Variants in SOD2 observed in about 807,000 individuals in gnomAD.
The protein encoded by SOD2 is superoxide dismutase [Mn], mitochondrial.
In SOD2, 11 loss-of-function variants were observed where a neutral mutation model predicts 27.0. That is an observed-to-expected ratio of 0.41 (90% CI 0.26 to 0.67). SOD2 has a LOEUF of 0.67. Ranked by LOEUF, SOD2 falls within the 30% of genes least tolerant of loss-of-function variation. The pLI, the probability that SOD2 is intolerant of heterozygous loss-of-function variation, is 0.34. For missense variants in SOD2, 250 were observed against 274.5 expected, an observed-to-expected ratio of 0.91 and a Z score of 0.63; for synonymous variants, 105 against 103.0, an observed-to-expected ratio of 1.02 and a Z score of -0.12.
At chr6:159,740,727 C>CA (rs1779204931) in intron 1 of SOD2, among the ~76,000 whole-genome samples, 2 of 137,358 alleles carry the variant, frequency 1.5e-5, no homozygotes, top group Non-Finnish European at 3.1e-5. Context: ...TTTTTTAAGA[C>CA]AGAGTCTCGC....
At chr6:159,747,460 C>T (rs1012601753), upstream of SOD2, among the ~76,000 whole-genome samples, 7 of 152,146 alleles carry the variant, frequency 4.6e-5, no homozygotes, top group Admixed American at 1.3e-4. Context: ...TTCTATGATT[C>T]GGATCTATTC....
chr6:159,749,231 T>G, upstream of SOD2: 1 of 985,840 alleles, frequency 1.0e-6, no homozygotes, highest in Non-Finnish European at 1.2e-6. Context: ...CTAGATTGTA[T>G]AAGGATATTA....
chr6:159,722,591 G>A (rs188303598), intron 1 of SOD2, among the ~76,000 whole-genome samples: 2 of 151,834 alleles, frequency 1.3e-5, no homozygotes, highest in East Asian at 3.9e-4. Context: ...TCTTTTTGAC[G>A]CTAAAATTGC....
rs1470724719 is a variant in SOD2, at chr6:159,711,698, C to A, written c.-116+15431G>T. Among the ~76,000 whole-genome samples, 4 of 120,436 alleles carry A rather than the reference C, an allele frequency of 3.3e-5. No individual in the cohort carries two copies. In the South Asian group the frequency reaches 1.1e-3, roughly 34 times the overall value. The allele number at this position is 120,436 out of a possible 152,430, so 79.0% of individuals were successfully genotyped here. A position where few individuals can be genotyped will look rare whatever the true frequency, so the allele number is the denominator to read the frequency against. On this transcript the variant is annotated intron_variant, in intron 1 of 2. Coordinates refer to the SOD2 transcript ENST00000401980. ...TCACCATAACCACCTCCATAACCAC[C>A]ACTCACACTGCTCTGATCACCATAA...
rs1347940126 is a variant in SOD2 at position 159,755,471 on chromosome 6, C to T, written c.-336+5566G>A. 8 of 1,614,156 alleles carry T rather than the reference C, an allele frequency of 5.0e-6. No individual in the cohort carries two copies. In the East Asian group the frequency reaches 1.1e-4, roughly 22 times the overall value. On this transcript the variant is annotated intron_variant, in intron 1 of 7. Coordinates refer to the SOD2 transcript ENST00000546087. Reference sequence around the variant, plus strand: ...CACGGGCAGTGAAAACTCTCTCACACACCAATCAAATGACACAGACTCCAG... The same window carrying T: ...CACGGGCAGTGAAAACTCTCTCACATACCAATCAAATGACACAGACTCCAG...
intron 1 of SOD2, among the ~76,000 whole-genome samples, chr6:159,706,324 A>C (rs1460469548): frequency 3.9e-5 from 6 of 152,336 alleles, no homozygotes; most frequent in Non-Finnish European, 7.3e-5. Flanking sequence ...CAGACTGGCA[A>C]ATTGGATAAA....
At chr6:159,715,157 T>C (rs1777902333) in intron 1 of SOD2, among the ~76,000 whole-genome samples, 1 of 151,620 alleles carries the variant, frequency 6.6e-6, no homozygotes, top group Non-Finnish European at 1.5e-5. Flanking sequence ...AGGAGAGAGT[T>C]TGGATGGGAA....
rs1345782052 is a variant in SOD2, at chr6:159,675,930, G to A, written c.*6563C>T. 1.3e-5 allele frequency: 2 copies of A among 152,178 alleles called. No homozygotes were observed. Among genetic ancestry groups the A allele is most frequent in the Non-Finnish European group, 2.9e-5 (2 of 68,038 alleles). 9.4% of individuals were successfully genotyped at this position (152,178 alleles called of 1,614,324 possible). The stretch of plus-strand genomic sequence containing the variant: ...AAAAACAAACCCCATCAAAAAGTAG[G>A]TGAAGGATATGAAGAGACACTTCTC... On this transcript the variant is annotated 3_prime_UTR_variant, in exon 5 of 5. Coordinates refer to ENST00000538183, the MANE Select transcript of SOD2 (RefSeq NM_000636.4).
At chr6:159,692,334 C>T (rs1777242468) in intron 2 of SOD2, 1 of 1,066,820 alleles carries the variant, frequency 9.4e-7, no homozygotes, top group Non-Finnish European at 1.2e-6. Context: ...AAACGAGTGA[C>T]ACAGTAGAGC....
chr6:159,707,670 C>T (rs2114815817), intron 1 of SOD2, among the ~76,000 whole-genome samples: 1 of 152,236 alleles, frequency 6.6e-6, no homozygotes, highest in East Asian at 1.9e-4. Flanking sequence ...GGATTCACAG[C>T]CAAATTCTAC....
intron 1 of SOD2, chr6:159,755,503 C>T: frequency 6.2e-7 from 1 of 1,614,132 alleles, no homozygotes; most frequent in Non-Finnish European, 8.5e-7. Context: ...CCAGTCATGA[C>T]CCTCAAGAGG....
chr6:159,754,831 T>C (rs1346382876), intron 1 of SOD2, among the ~76,000 whole-genome samples: 1 of 152,210 alleles, frequency 6.6e-6, no homozygotes, highest in African/African-American at 2.4e-5. Context: ...TATATTATTT[T>C]AAGTATCTGA....
intron 1 of SOD2, among the ~76,000 whole-genome samples, chr6:159,754,758 C>G (rs1779942931): frequency 6.6e-6 from 1 of 152,028 alleles, no homozygotes; most frequent in African/African-American, 2.4e-5. Flanking sequence ...CCAGTTTTTT[C>G]TTCCTTGAAT....
Position 159,673,395 on chromosome 6 carries a change from C to G in SOD2, c.*9098G>C, listed in dbSNP as rs1190333333. On this transcript the variant is annotated 3_prime_UTR_variant, in exon 5 of 5. Transcript: ENST00000538183. ...GTAAAAGAACAGAAATTATAACATA[C>G]TGTCTCAGACCACAGTGCAATCAAA... The G allele has an allele frequency of 3.3e-5, 5 of 152,060 alleles. No homozygotes were observed. Among genetic ancestry groups the G allele is most frequent in the Non-Finnish European group, 7.4e-5 (5 of 67,980 alleles). The allele number at this position is 152,060 out of a possible 1,614,324, so 9.4% of individuals were successfully genotyped here.
At chr6:159,742,308 A>G (rs142548184) in intron 1 of SOD2, among the ~76,000 whole-genome samples, 116 of 152,338 alleles carry the variant, frequency 7.6e-4, no homozygotes, top group Middle Eastern at 3.4e-3. Flanking sequence ...ATAAAGATGA[A>G]TGAGACACAG....
At chr6:159,737,710 T>C (rs1779006310) in intron 1 of SOD2, among the ~76,000 whole-genome samples, 1 of 152,116 alleles carries the variant, frequency 6.6e-6, no homozygotes, top group Admixed American at 6.5e-5. Context: ...CAGGCTGATC[T>C]TGAACTCCCG....
chr6:159,739,878 A>G (rs541132963), intron 1 of SOD2, among the ~76,000 whole-genome samples: 1 of 124,774 alleles, frequency 8.0e-6, no homozygotes, highest in East Asian at 2.3e-4. Context: ...CATACATAGG[A>G]CAGTTTCCAT....
chr6:159,686,664 T>C (rs1216589244), intron 3 of SOD2, among the ~76,000 whole-genome samples: 1 of 151,880 alleles, frequency 6.6e-6, no homozygotes, highest in African/African-American at 2.4e-5. Context: ...TAATAATAAA[T>C]AAAAACAAAA....
At chr6:159,748,972 C>T, upstream of SOD2, 4 of 1,058,516 alleles carry the variant, frequency 3.8e-6, no homozygotes, top group Non-Finnish European at 4.6e-6. The surrounding 1 kb of genome is among the most constrained non-coding windows in gnomAD (Gnocchi z 5.6). Flanking sequence ...TGCTGAGAAC[C>T]AACTTTCAAT....
Sources: allele counts gnomAD v4.1 joint callset (sites outside exome capture counted in the v4.1 genomes callset), GRCh38; gene constraint gnomAD v4.1.1; non-coding constraint Gnocchi (gnomAD v3.1); transcripts MANE v1.5; gene names NCBI Gene and HGNC (gene_info 2026-07-23, HGNC 2026-07-21).